The following DGKB variants were observed in gnomAD, a reference collection of about 807,000 sequenced individuals.
DGKB encodes the protein 90 kDa diacylglycerol kinase.
In DGKB, 67 loss-of-function variants were observed where a neutral mutation model predicts 114.3. That is an observed-to-expected ratio of 0.59 (90% CI 0.48 to 0.72). DGKB has a LOEUF of 0.72. Ranked by LOEUF, DGKB falls within the 30% of genes least tolerant of loss-of-function variation. DGKB has a pLI of 0.00. For synonymous variants in DGKB, 398 were observed against 323.1 expected (o/e 1.23, Z -2.49); for missense variants, 907 against 975.2 (o/e 0.93, Z 0.93).
At position 14,318,929 on chromosome 7, in the gene DGKB, C is replaced by T. The variant is rs543981473; in HGVS notation, c.2122+19586G>A. 6.7e-3 allele frequency among the ~76,000 whole-genome samples: 1,021 copies of T among 152,212 alleles called. 11 individuals are homozygous for T. Among genetic ancestry groups the T allele is most frequent in the African/African-American group, 0.024 (981 of 41,516 alleles). On this transcript the variant is annotated intron_variant, in intron 23 of 25. Transcript: ENST00000402815. ...TAGACTGGATTAAGAAAATGTGGCACATATACACCATGGAATACTATGCAG... is the reference window on the plus strand; with the variant it reads ...TAGACTGGATTAAGAAAATGTGGCATATATACACCATGGAATACTATGCAG...
chr7:14,623,010 A>T (rs535338939), intron 14 of DGKB, among the ~76,000 whole-genome samples: 11 of 152,292 alleles, frequency 7.2e-5, no homozygotes, highest in African/African-American at 2.4e-4. Context: ...AATTGTCTGC[A>T]TTCTTTCATC....
At position 14,574,259 on chromosome 7, in the gene DGKB, C is replaced by T. The variant is rs1390852458; in HGVS notation, c.1723G>A (p.Asp575Asn). 6.2e-7 allele frequency: 1 copy of T among 1,613,354 alleles called. No homozygotes were observed. Among genetic ancestry groups the T allele is most frequent in the Non-Finnish European group, 8.5e-7 (1 of 1,179,532 alleles). The change falls in exon 20 of 26, where the codon GAC (aspartate) becomes AAC (asparagine). Residue 575 changes from aspartate (D) to asparagine (N), a missense_variant. Asp to Asn is a conservative substitution (Grantham distance 23, BLOSUM62 1). Around this residue, in one of 3 missense-constraint regions of DGKB, gnomAD observed 814 missense variants for 856.6 expected, o/e 0.95. Coordinates refer to ENST00000402815, the MANE Select transcript of DGKB (RefSeq NM_001350709.2). ...TTGATGATACTGTAAGGCACTGGGT[C>T]TCCTTTCTCATCTTTGTCATTAGGT... ...VIPNDKDEKG[D>N]PVPYSIINNY...
At chr7:14,646,539 C>A (rs1411122912) in intron 13 of DGKB, among the ~76,000 whole-genome samples, 3 of 152,120 alleles carry the variant, frequency 2.0e-5, no homozygotes, top group Non-Finnish European at 4.4e-5. Context: ...GCAGAACACA[C>A]ATTATTCTCC....
rs559708544 is a variant in DGKB, at chr7:14,880,802, T to C, written c.-188+21790A>G. Among the ~76,000 whole-genome samples the C allele has an allele frequency of 2.6e-5, 4 of 152,320 alleles. No homozygotes were observed. In the Middle Eastern group the frequency reaches 0.01, roughly 389 times the overall value. On this transcript the variant is annotated intron_variant, in intron 1 of 25. Coordinates refer to ENST00000402815, the MANE Select transcript of DGKB (RefSeq NM_001350709.2). ...ATTTAATCACCATTAAAACTTAGTG[T>C]ATAGATTTATATTTGCTTATACAAC...
rs5882472 is a variant in DGKB, at chr7:14,878,755, C to CAAA, written c.-188+23834_-188+23836dup. 5.0e-3 allele frequency among the ~76,000 whole-genome samples: 561 copies of CAAA among 113,192 alleles called. 9 individuals are homozygous for CAAA. Among genetic ancestry groups the CAAA allele is most frequent in the Non-Finnish European group, 7.0e-3 (397 of 57,026 alleles). 74.3% of individuals were successfully genotyped at this position (113,192 alleles called of 152,430 possible). On this transcript the variant is annotated intron_variant, in intron 1 of 25. Coordinates refer to ENST00000402815, the MANE Select transcript of DGKB (RefSeq NM_001350709.2). ...CAGCGTGAGACTCCGTCTCAAAAAA[C>CAAA]AAAAAAAAAAAAACAAAAAAAAAAA...
In DGKB at chr7:14,172,671, T is replaced by C. The variant is rs1206811603; in HGVS notation, c.2304+4168A>G. 2.6e-5 allele frequency among the ~76,000 whole-genome samples: 4 copies of C among 152,002 alleles called. No homozygotes were observed. In the East Asian group the frequency reaches 7.7e-4, roughly 29 times the overall value. On this transcript the variant is annotated intron_variant, in intron 25 of 25. Transcript: ENST00000402815. The stretch of plus-strand genomic sequence containing the variant: ...GAGATATGGGGAGGCAAATGATGAG[T>C]CCATTTTAGTTGTAATAAATTTGAG...
At chr7:14,545,557 T>C (rs1794146004) in intron 20 of DGKB, among the ~76,000 whole-genome samples, 1 of 152,148 alleles carries the variant, frequency 6.6e-6, no homozygotes, top group Non-Finnish European at 1.5e-5. Flanking sequence ...TAAAACAGAC[T>C]AGAGCAAAGG....
intron 2 of DGKB, among the ~76,000 whole-genome samples, chr7:14,788,772 A>AAC (rs2128502198): frequency 6.6e-6 from 1 of 152,234 alleles, no homozygotes; most frequent in Admixed American, 6.5e-5. Context: ...GTCCCATGGT[A>AAC]CAGTGGGTTC....
intron 4 of DGKB, among the ~76,000 whole-genome samples, chr7:14,738,233 C>A (rs115712491): frequency 6.6e-6 from 1 of 152,168 alleles, no homozygotes; most frequent in Non-Finnish European, 1.5e-5. Context: ...CATGAGGAAC[C>A]AGGAGTTGAT....
At chr7:14,500,730 G>C (rs187438705) in intron 20 of DGKB, among the ~76,000 whole-genome samples, 2 of 151,822 alleles carry the variant, frequency 1.3e-5, no homozygotes, top group African/African-American at 4.8e-5. Context: ...GTGATTGATA[G>C]AAGCTCAAAG....
chr7:14,956,218 A>G (rs1786499569), intron 1 of DGKB, among the ~76,000 whole-genome samples: 1 of 152,094 alleles, frequency 6.6e-6, no homozygotes, highest in East Asian at 1.9e-4. Context: ...TTATGCATAA[A>G]GGAGATTTCA....
intron 23 of DGKB, among the ~76,000 whole-genome samples, chr7:14,189,371 T>A (rs1458501389): frequency 6.6e-6 from 1 of 152,174 alleles, no homozygotes; most frequent in African/African-American, 2.4e-5. Context: ...AGACTCTTTA[T>A]GTTAGCCTGT....
chr7:14,910,284 AAGAAAGAAAGAAAGAAAG>A, intron 1 of DGKB, among the ~76,000 whole-genome samples: 1 of 126,134 alleles, frequency 7.9e-6, no homozygotes, highest in South Asian at 2.3e-4. Context: ...GAAAGAAAGA[AAGAAAGAAAGAAAGAAAG>A]AAAGAAAGAA....
chr7:14,917,124 C>T (rs1285534758), intron 1 of DGKB, among the ~76,000 whole-genome samples: 2 of 151,674 alleles, frequency 1.3e-5, no homozygotes, highest in African/African-American at 4.8e-5. Flanking sequence ...ATGTGGAACA[C>T]AACAAAAGCA....
intron 23 of DGKB, among the ~76,000 whole-genome samples, chr7:14,244,955 A>C (rs1794254030): frequency 6.6e-6 from 1 of 152,100 alleles, no homozygotes; most frequent in African/African-American, 2.4e-5. Flanking sequence ...ATAGACTAAG[A>C]CAGTAATGAA....
intron 1 of DGKB, among the ~76,000 whole-genome samples, chr7:14,942,117 C>CTT (rs1255245819): frequency 6.2e-5 from 9 of 145,920 alleles, no homozygotes; most frequent in African/African-American, 2.2e-4. Flanking sequence ...ATTAAAAAAA[C>CTT]TTTTTTTTTT....
At chr7:14,220,210 T>C (rs1482927111) in intron 23 of DGKB, among the ~76,000 whole-genome samples, 1 of 151,540 alleles carries the variant, frequency 6.6e-6, no homozygotes, top group Non-Finnish European at 1.5e-5. Context: ...ATAGAAGAGG[T>C]ACAGTAAAAT....
chr7:14,708,388 C>T (rs1826676249), intron 6 of DGKB, among the ~76,000 whole-genome samples: 1 of 125,428 alleles, frequency 8.0e-6, no homozygotes, highest in South Asian at 3.0e-4. Context: ...GGCCATACTG[C>T]CCAAGGTAAT....
chr7:14,361,961 T>C (rs888818161), intron 21 of DGKB, among the ~76,000 whole-genome samples: 2 of 152,048 alleles, frequency 1.3e-5, no homozygotes, highest in African/African-American at 4.8e-5. Context: ...GTGAGACTCT[T>C]GTCCAGAGAA....
Sources: allele counts gnomAD v4.1 joint callset (sites outside exome capture counted in the v4.1 genomes callset), GRCh38; gene constraint gnomAD v4.1.1; regional missense constraint gnomAD v4.1.1; transcripts MANE v1.5; gene names NCBI Gene and HGNC (gene_info 2026-07-23, HGNC 2026-07-21).